CDK14: variants seen among roughly 807,000 people sequenced by gnomAD.
CDK14 encodes cyclin-dependent kinase 14.
CDK14 carries 34 observed loss-of-function variants against 60.7 expected under a neutral mutation model. The observed-to-expected ratio is 0.56, with a 90% CI of 0.43 to 0.75. The LOEUF (loss-of-function observed/expected upper bound fraction) is 0.75. Ranked by LOEUF, CDK14 falls within the 30% of genes least tolerant of loss-of-function variation. The probability of loss-of-function intolerance (pLI) is 0.00; values close to 1 mark genes in which losing one functional copy is unlikely to be tolerated. For missense variants in CDK14, 482 were observed against 564.1 expected (o/e 0.85, Z 1.47); for synonymous variants, 197 against 203.7 (o/e 0.97, Z 0.28).
intron 2 of CDK14, among the ~76,000 whole-genome samples, chr7:90,704,023 G>A (rs998936505): frequency 2.0e-5 from 3 of 152,154 alleles, no homozygotes; most frequent in Non-Finnish European, 2.9e-5. Flanking sequence ...AAGCTGGGAG[G>A]TCCAGCCTGC....
At chr7:91,038,699 A>G (rs1237982761) in intron 10 of CDK14, among the ~76,000 whole-genome samples, 3 of 152,228 alleles carry the variant, frequency 2.0e-5, no homozygotes, top group Admixed American at 6.5e-5. Flanking sequence ...AACTCCCACA[A>G]TTCCCACGTG....
intron 11 of CDK14, among the ~76,000 whole-genome samples, chr7:91,077,529 A>C (rs78036122): frequency 2.6e-5 from 4 of 151,990 alleles, no homozygotes; most frequent in Middle Eastern, 3.2e-3. Flanking sequence ...CATCAGGACA[A>C]ATAGCTAATG....
Position 91,195,520 on chromosome 7 carries a change from C to A in CDK14, c.*29-11645C>A, listed in dbSNP as rs568624104. On this transcript the variant is annotated intron_variant, in intron 14 of 14. Transcript: ENST00000380050. ...CCCATGGGCTGTGTTTTGAAAACTGCAATACTTGGGAAGAAGCTTAGTTTC... is the reference window on the plus strand; with the variant it reads ...CCCATGGGCTGTGTTTTGAAAACTGAAATACTTGGGAAGAAGCTTAGTTTC... 2.0e-5 allele frequency among the ~76,000 whole-genome samples: 3 copies of A among 152,256 alleles called. No homozygotes were observed. In the East Asian group the frequency reaches 5.8e-4, roughly 29 times the overall value.
chr7:91,057,543 A>AAC, intron 11 of CDK14, among the ~76,000 whole-genome samples: 1 of 152,164 alleles, frequency 6.6e-6, no homozygotes, highest in African/African-American at 2.4e-5. Flanking sequence ...TTTTAGGTCT[A>AAC]ATGGTTAAGT....
intron 10 of CDK14, among the ~76,000 whole-genome samples, chr7:90,997,017 T>C (rs1222766030): frequency 6.6e-6 from 1 of 152,204 alleles, no homozygotes; most frequent in Non-Finnish European, 1.5e-5. Context: ...CCTCTTCCTC[T>C]CTCTCCAATG....
intron 9 of CDK14, among the ~76,000 whole-genome samples, chr7:90,958,318 T>G (rs1283835196): frequency 6.6e-6 from 1 of 152,150 alleles, no homozygotes; most frequent in Non-Finnish European, 1.5e-5. Context: ...AACGTATTTA[T>G]TTTTATTGAA....
chr7:90,941,349 G>C (rs904471935), intron 8 of CDK14, among the ~76,000 whole-genome samples: 1 of 152,164 alleles, frequency 6.6e-6, no homozygotes, highest in African/African-American at 2.4e-5. Flanking sequence ...AGCATCTGCT[G>C]TACCCACTGC....
chr7:91,058,914 C>T (rs148702060), intron 11 of CDK14, among the ~76,000 whole-genome samples: 1 of 152,142 alleles, frequency 6.6e-6, no homozygotes, highest in Non-Finnish European at 1.5e-5. Context: ...TGATGCTGGC[C>T]TCATAAAATG....
At chr7:91,004,616 G>T (rs1450565734) in intron 10 of CDK14, among the ~76,000 whole-genome samples, 1 of 152,218 alleles carries the variant, frequency 6.6e-6, no homozygotes, top group Admixed American at 6.5e-5. Context: ...GTAGTAAGTT[G>T]TTGGTAAGTT....
At chr7:90,916,025 A>T (rs546625896) in intron 7 of CDK14, among the ~76,000 whole-genome samples, 1 of 152,338 alleles carries the variant, frequency 6.6e-6, no homozygotes, top group Admixed American at 6.5e-5. Flanking sequence ...ACTTATTTTT[A>T]AAATTAAGTT....
At chr7:90,671,963 AG>A (rs373184713) in intron 2 of CDK14, among the ~76,000 whole-genome samples, 141 of 152,328 alleles carry the variant, frequency 9.3e-4, no homozygotes, top group African/African-American at 3.2e-3. Flanking sequence ...CCAGAACTTC[AG>A]GAATTGAGTT....
chr7:90,863,642 G>T (rs1791077635), intron 6 of CDK14, among the ~76,000 whole-genome samples: 1 of 142,348 alleles, frequency 7.0e-6, no homozygotes, highest in Non-Finnish European at 1.6e-5. Flanking sequence ...TTTGTAACTT[G>T]GTTTCTCAAA....
chr7:91,171,678 ACT>A (rs1475925939), intron 14 of CDK14, among the ~76,000 whole-genome samples: 1 of 151,860 alleles, frequency 6.6e-6, no homozygotes, highest in Non-Finnish European at 1.5e-5. Flanking sequence ...ATGGAGTCTC[ACT>A]CTGTCGCCGA....
chr7:90,781,545 T>A (rs1212491970), intron 4 of CDK14, among the ~76,000 whole-genome samples: 2 of 148,840 alleles, frequency 1.3e-5, no homozygotes, highest in Non-Finnish European at 3.0e-5. Flanking sequence ...TTTTTATGGT[T>A]TGAGGTCTAA....
chr7:91,066,665 G>T (rs888560671), intron 11 of CDK14, among the ~76,000 whole-genome samples: 2 of 152,202 alleles, frequency 1.3e-5, no homozygotes, highest in African/African-American at 4.8e-5. Context: ...GACATTTCAG[G>T]TGTAGCTTTT....
rs759768697 is a variant in CDK14, at chr7:90,888,321, A to G, written c.640-10970A>G. 1.6e-4 allele frequency among the ~76,000 whole-genome samples: 24 copies of G among 152,250 alleles called. No individual in the cohort carries two copies. In the Middle Eastern group the frequency reaches 0.014, roughly 86 times the overall value. ...GCTGAGATGGCACCACTGCACTCCA[A>G]CCTGGCAACAGAGCAAGACTCCATC... On this transcript the variant is annotated intron_variant, in intron 6 of 14. Transcript: ENST00000380050.
rs1262798860 is a variant in CDK14 at position 90,814,671 on chromosome 7, A to G, written c.544+24019A>G. 2.0e-5 allele frequency among the ~76,000 whole-genome samples: 3 copies of G among 152,170 alleles called. No homozygotes were observed. The East Asian group carries it at 5.8e-4, about 29-fold the overall frequency. Reference sequence around the variant, plus strand: ...GTGGCTCACACCTGTAATCGCAGCTACTAGGGAGGCAGGAGAATTGCTTGA... The same window carrying G: ...GTGGCTCACACCTGTAATCGCAGCTGCTAGGGAGGCAGGAGAATTGCTTGA... On this transcript the variant is annotated intron_variant, in intron 5 of 14. Transcript: ENST00000380050.
chr7:91,051,093 AGT>A (rs1797378836), intron 11 of CDK14, among the ~76,000 whole-genome samples: 1 of 152,264 alleles, frequency 6.6e-6, no homozygotes, highest in African/African-American at 2.4e-5. Context: ...AAATATGTAC[AGT>A]AATACACACA....
chr7:90,704,751 G>T (rs191133986), intron 2 of CDK14, among the ~76,000 whole-genome samples: 1 of 152,238 alleles, frequency 6.6e-6, no homozygotes, highest in East Asian at 1.9e-4. Context: ...GATAGGTTTG[G>T]TATTGTGGTT....
Sources: gnomAD v4.1 joint callset for allele counts (sites outside exome capture counted in the v4.1 genomes callset) on GRCh38, gnomAD v4.1.1 for gene constraint, MANE v1.5 for transcripts, NCBI Gene and HGNC (gene_info 2026-07-23, HGNC 2026-07-21) for gene names.